ANK3: variants seen among roughly 807,000 people sequenced by gnomAD.
The protein encoded by ANK3 is ankyrin 3.
Under a neutral mutation model 370.9 loss-of-function variants are expected in ANK3, and 57 were observed. That is an observed-to-expected ratio of 0.15 (90% CI 0.12 to 0.19). ANK3 has a LOEUF of 0.19. Ranked by LOEUF, ANK3 falls within the 10% of genes least tolerant of loss-of-function variation. The probability of loss-of-function intolerance (pLI) is 1.00; values close to 1 mark genes in which losing one functional copy is unlikely to be tolerated. For missense variants in ANK3, 4,439 were observed against 5,302.1 expected (o/e 0.84, Z 5.06); for synonymous variants, 1,929 against 1,946.3 (o/e 0.99, Z 0.23).
At chr10:60,179,391 C>T (rs993259696) in intron 18 of ANK3, among the ~76,000 whole-genome samples, 2 of 152,132 alleles carry the variant, frequency 1.3e-5, no homozygotes, top group East Asian at 3.9e-4. Flanking sequence ...AGATATCATA[C>T]GGGGTACAAA....
Position 60,205,818 on chromosome 10 carries a change from C to T in ANK3, c.1267G>A (p.Gly423Ser), listed in dbSNP as rs139379111. The T allele has an allele frequency of 8.0e-5, 129 of 1,613,714 alleles. No homozygotes were observed. Among genetic ancestry groups the T allele is most frequent in the Middle Eastern group, 3.3e-4 (2 of 6,060 alleles). ...TCGGTTACAGCTTGGATGGATGCAC[C>T]GTGTTTCAGAAGGAGTTCCATTACT... ...IKVMELLLKH[G>S]ASIQAVTESG... The change falls in exon 11 of 44, where the codon GGT becomes AGT. Residue 423 changes from glycine (G) to serine (S), a missense_variant. By Grantham distance (56) the Gly-to-Ser change is moderately conservative. Around this residue, in one of 13 missense-constraint regions of ANK3, gnomAD observed 227 missense variants for 377.6 expected, o/e 0.60. Coordinates refer to ENST00000280772, the MANE Select transcript of ANK3 (RefSeq NM_020987.5).
At chr10:60,526,773 G>C (rs2076482446) in intron 2 of ANK3, among the ~76,000 whole-genome samples, 1 of 152,054 alleles carries the variant, frequency 6.6e-6, no homozygotes, top group Non-Finnish European at 1.5e-5. Flanking sequence ...AAAAATGTAG[G>C]TTGATAAGAG....
chr10:60,111,527 T>A (rs1305857749), intron 26 of ANK3, among the ~76,000 whole-genome samples: 1 of 151,780 alleles, frequency 6.6e-6, no homozygotes, highest in Non-Finnish European at 1.5e-5. Context: ...AGGTGATATA[T>A]AATAATATTT....
chr10:60,452,354 T>C (rs2064629346), intron 2 of ANK3, among the ~76,000 whole-genome samples: 1 of 152,230 alleles, frequency 6.6e-6, no homozygotes, highest in Non-Finnish European at 1.5e-5. Context: ...GGTTTCTTCA[T>C]AGCAACCAGG....
At chr10:60,139,369 C>A (rs985346382) in intron 23 of ANK3, 21 of 361,164 alleles carry the variant, frequency 5.8e-5, no homozygotes, top group Non-Finnish European at 8.4e-5. Flanking sequence ...TAAGCCTCAG[C>A]TGACTAGAAA....
At chr10:60,643,540 C>G (rs1019961927) in intron 1 of ANK3, among the ~76,000 whole-genome samples, 2 of 151,640 alleles carry the variant, frequency 1.3e-5, no homozygotes, top group Admixed American at 6.6e-5. Flanking sequence ...ATCTATCTAT[C>G]TATCCATCCA....
Position 60,279,542 on chromosome 10 carries a change from T to C in ANK3, c.212A>G (p.Asn71Ser). 1 of 1,607,272 alleles carries C rather than the reference T, an allele frequency of 6.2e-7. No homozygotes were observed. Among genetic ancestry groups the C allele is most frequent in the Non-Finnish European group, 8.5e-7 (1 of 1,177,880 alleles). ...IKNGVDINIC[N>S]QNGLNALHLA... ...TCAATAATAACTCCAGCTAACCTGATTGCAAATGTTGATGTCAACTCCATT... is the reference window on the plus strand; with the variant it reads ...TCAATAATAACTCCAGCTAACCTGACTGCAAATGTTGATGTCAACTCCATT... The change falls in exon 2 of 44, where the codon AAT becomes AGT. Residue 71 changes from asparagine (N) to serine (S), a missense_variant. Asn to Ser is a conservative substitution (Grantham distance 46). Around this residue, in one of 13 missense-constraint regions of ANK3, gnomAD observed 136 missense variants for 230.5 expected, o/e 0.59. Transcript: ENST00000280772.
At chr10:60,658,016 C>CT (rs34249629) in intron 1 of ANK3, among the ~76,000 whole-genome samples, 53,217 of 141,154 alleles carry the variant, frequency 0.38, 10,035 homozygotes, top group African/African-American at 0.42. Flanking sequence ...GCCATTCCAA[C>CT]TTTTTTTTTT....
chr10:60,082,035 A>G (rs2085408241), intron 35 of ANK3, 115 bp downstream of exon 35: 3 of 746,826 alleles, frequency 4.0e-6, no homozygotes, highest in Non-Finnish European at 4.3e-6. Flanking sequence ...CCTACTTAAG[A>G]CCTGAAAAAT....
At chr10:60,300,476 A>G (rs2043452508) in intron 1 of ANK3, 8 of 1,279,970 alleles carry the variant, frequency 6.3e-6, no homozygotes, top group Non-Finnish European at 8.1e-6. Flanking sequence ...GGAAGGAGGT[A>G]GGAGCTGGTC....
intron 1 of ANK3, among the ~76,000 whole-genome samples, chr10:60,668,257 G>T (rs535107442): frequency 6.6e-6 from 1 of 151,500 alleles, no homozygotes; most frequent in South Asian, 2.1e-4. Context: ...CTTAAATCTG[G>T]CCTGCCCTCT....
intron 2 of ANK3, among the ~76,000 whole-genome samples, chr10:60,568,664 C>G (rs2077518488): frequency 6.6e-6 from 1 of 152,180 alleles, no homozygotes; most frequent in Non-Finnish European, 1.5e-5. Context: ...TTATTAAGCA[C>G]ACCTAAGTTG....
At chr10:60,226,747 A>G (rs2097170617) in intron 8 of ANK3, among the ~76,000 whole-genome samples, 1 of 144,374 alleles carries the variant, frequency 6.9e-6, no homozygotes, top group Non-Finnish European at 1.5e-5. Context: ...AGTATATTAT[A>G]AAGTAATATT....
chr10:60,069,648 T>G lies in ANK3; in HGVS notation c.11233A>C (p.Ile3745Leu). Reference protein sequence around the residue: ...KEGPGEITDKIEAVMTSCQGL... With the variant: ...KEGPGEITDKLEAVMTSCQGL... ...TGACAACTGGTCATCACCGCTTCTA[T>G]CTTATCTGTTATTTCTCCAGGGCCT... The change falls in exon 37 of 44, where the codon ATA becomes CTA. Residue 3745 changes from isoleucine to leucine, a missense_variant. By Grantham distance (5) the Ile-to-Leu change is conservative (BLOSUM62 2). Around this residue, in one of 13 missense-constraint regions of ANK3, gnomAD observed 496 missense variants for 529.3 expected, o/e 0.94. Transcript: ENST00000280772. 1 of 1,614,166 alleles carries G rather than the reference T, an allele frequency of 6.2e-7. No homozygotes were observed. The highest frequency in any genetic ancestry group is 1.1e-5 in the South Asian group (1 of 91,082).
intron 1 of ANK3, among the ~76,000 whole-genome samples, chr10:60,619,711 C>T (rs536834074): frequency 3.9e-5 from 6 of 152,198 alleles, no homozygotes; most frequent in African/African-American, 4.8e-5. Context: ...AAGAAATGAG[C>T]GAATTGCCTG....
chr10:60,035,752 T>G (rs74859404), intron 43 of ANK3, among the ~76,000 whole-genome samples: 27,572 of 150,760 alleles, frequency 0.18, 2,985 homozygotes, highest in Admixed American at 0.25. Context: ...CACTTTGGGA[T>G]GCTGAGGCAG....
intron 17 of ANK3, among the ~76,000 whole-genome samples, chr10:60,183,966 G>T (rs2096264948): frequency 1.3e-5 from 2 of 152,008 alleles, no homozygotes; most frequent in South Asian, 2.1e-4. Context: ...AAGCATTGGG[G>T]TCTGCAAAAC....
chr10:60,101,166 G>A (rs73257324), intron 28 of ANK3, among the ~76,000 whole-genome samples: 2,313 of 152,172 alleles, frequency 0.015, 54 homozygotes, highest in African/African-American at 0.053. Context: ...ACTCATCCTC[G>A]CGTATCTGGT....
chr10:60,380,624 G>C (rs886957695), intron 1 of ANK3, among the ~76,000 whole-genome samples: 3 of 152,106 alleles, frequency 2.0e-5, no homozygotes, highest in Non-Finnish European at 2.9e-5. Context: ...GTCCCTCAAT[G>C]AATTATAGCC....
Sources: gnomAD v4.1 joint callset for allele counts (sites outside exome capture counted in the v4.1 genomes callset) on GRCh38, gnomAD v4.1.1 for gene constraint, gnomAD v4.1.1 regional missense constraint, MANE v1.5 for transcripts, NCBI Gene and HGNC (gene_info 2026-07-23, HGNC 2026-07-21) for gene names.